Variants in PPP2R2B observed in about 807,000 individuals in gnomAD.
PPP2R2B encodes serine/threonine-protein phosphatase 2A 55 kDa regulatory subunit B beta isoform.
In PPP2R2B, 5 loss-of-function variants were observed where a neutral mutation model predicts 46.0. That is an observed-to-expected ratio of 0.11 (90% confidence interval 0.06 to 0.23). PPP2R2B has a LOEUF of 0.23. Ranked by LOEUF, PPP2R2B falls within the 10% of genes least tolerant of loss-of-function variation. The probability of loss-of-function intolerance (pLI) is 1.00; values close to 1 mark genes in which losing one functional copy is unlikely to be tolerated. For synonymous variants in PPP2R2B, 215 were observed against 206.7 expected, an observed-to-expected ratio of 1.04 and a Z score of -0.34; for missense variants, 367 against 575.0, an observed-to-expected ratio of 0.64 and a Z score of 3.70.
intron 2 of PPP2R2B, among the ~76,000 whole-genome samples, chr5:146,745,687 T>C (rs759921825): frequency 3.9e-5 from 6 of 152,064 alleles, no homozygotes; most frequent in African/African-American, 7.2e-5. Context: ...CCAGGTGTGG[T>C]GGTGGCTCAC....
intron 2 of PPP2R2B, among the ~76,000 whole-genome samples, chr5:146,835,540 C>G (rs953860073): frequency 6.6e-6 from 1 of 152,094 alleles, no homozygotes; most frequent in Admixed American, 6.6e-5. Flanking sequence ...CACACCCCTC[C>G]TTTTCCTCAG....
At chr5:146,720,691 T>C (rs1260788358) in intron 2 of PPP2R2B, among the ~76,000 whole-genome samples, 1 of 152,198 alleles carries the variant, frequency 6.6e-6, no homozygotes, top group Non-Finnish European at 1.5e-5. Flanking sequence ...ATTAAGGTTT[T>C]ATTAAGGACT....
intron 1 of PPP2R2B, among the ~76,000 whole-genome samples, chr5:146,943,758 G>A (rs983205835): frequency 6.6e-6 from 1 of 152,084 alleles, no homozygotes; most frequent in Non-Finnish European, 1.5e-5. Flanking sequence ...TTATATGAGA[G>A]GATCCAAATC....
At chr5:146,974,886 T>C (rs1037472765) in intron 1 of PPP2R2B, among the ~76,000 whole-genome samples, 2 of 151,958 alleles carry the variant, frequency 1.3e-5, no homozygotes, top group African/African-American at 4.8e-5. Flanking sequence ...ACACGGGGTT[T>C]CACCATGTTA....
intron 1 of PPP2R2B, among the ~76,000 whole-genome samples, chr5:147,002,030 C>G (rs1003902244): frequency 6.6e-6 from 1 of 152,168 alleles, no homozygotes; most frequent in Non-Finnish European, 1.5e-5. Flanking sequence ...TCTATCTTAT[C>G]TATCCTGACC....
chr5:147,040,056 G>T (rs940026584), intron 1 of PPP2R2B, among the ~76,000 whole-genome samples: 2 of 152,086 alleles, frequency 1.3e-5, no homozygotes, highest in Non-Finnish European at 2.9e-5. Flanking sequence ...AGCTTTGAGA[G>T]CCTCACTTAT....
At chr5:147,055,796 A>G (rs1757062620) in exon 1 of PPP2R2B, 3 of 1,554,556 alleles carry the variant, frequency 1.9e-6, no homozygotes, top group Non-Finnish European at 1.7e-6. Context: ...CTGAATCCAT[A>G]AGGATTCTCT....
intron 1 of PPP2R2B, among the ~76,000 whole-genome samples, chr5:146,885,853 A>G (rs1762303390): frequency 6.6e-6 from 1 of 152,198 alleles, no homozygotes; most frequent in South Asian, 2.1e-4. Context: ...CATTATGCTA[A>G]ATGAAAGACA....
chr5:146,791,294 TA>T, intron 2 of PPP2R2B, among the ~76,000 whole-genome samples: 1 of 152,342 alleles, frequency 6.6e-6, no homozygotes, highest in South Asian at 2.1e-4. Context: ...TATTCTGAGA[TA>T]TTTTGCCAAT....
intron 5 of PPP2R2B, among the ~76,000 whole-genome samples, chr5:146,667,572 C>T (rs1202108035): frequency 6.8e-6 from 1 of 147,956 alleles, no homozygotes; most frequent in African/African-American, 2.5e-5. Context: ...CCTAAACTTA[C>T]TTAAAAAAAA....
chr5:146,907,550 C>T (rs138936157), intron 1 of PPP2R2B, among the ~76,000 whole-genome samples: 1 of 152,334 alleles, frequency 6.6e-6, no homozygotes, highest in Non-Finnish European at 1.5e-5. Context: ...GGAGAAAGGG[C>T]TAAGGGCAGG....
intron 1 of PPP2R2B, among the ~76,000 whole-genome samples, chr5:146,890,782 T>A (rs562775901): frequency 6.6e-6 from 1 of 152,338 alleles, no homozygotes; most frequent in Non-Finnish European, 1.5e-5. Flanking sequence ...CCCAAGTTTA[T>A]AAATTTACAA....
intron 1 of PPP2R2B, among the ~76,000 whole-genome samples, chr5:147,003,203 C>T (rs1754270312): frequency 6.6e-6 from 1 of 152,120 alleles, no homozygotes; most frequent in African/African-American, 2.4e-5. Context: ...CTCAGCTTAC[C>T]TCCATATCCT....
chr5:146,590,913 G>A (rs893855327), intron 9 of PPP2R2B, among the ~76,000 whole-genome samples: 11 of 150,910 alleles, frequency 7.3e-5, no homozygotes, highest in Middle Eastern at 3.4e-3. Flanking sequence ...GATTTTATAT[G>A]GTTTTTTTCC....
intron 2 of PPP2R2B, among the ~76,000 whole-genome samples, chr5:146,710,485 C>A (rs1476539116): frequency 6.6e-6 from 1 of 152,146 alleles, no homozygotes; most frequent in Non-Finnish European, 1.5e-5. Flanking sequence ...TAAAATTTTC[C>A]CATAGTTGGA....
At chr5:146,756,263 G>A (rs1055775012) in intron 2 of PPP2R2B, among the ~76,000 whole-genome samples, 2 of 152,138 alleles carry the variant, frequency 1.3e-5, no homozygotes, top group African/African-American at 2.4e-5. Context: ...ACCATTCATT[G>A]CCTCATTTAA....
At chr5:146,722,997 C>T (rs564516974) in intron 2 of PPP2R2B, among the ~76,000 whole-genome samples, 5 of 152,264 alleles carry the variant, frequency 3.3e-5, no homozygotes, top group South Asian at 2.1e-4. Context: ...TATTCATCCT[C>T]GATCCTCAGA....
intron 1 of PPP2R2B, among the ~76,000 whole-genome samples, chr5:146,946,259 CT>C (rs757729750): frequency 6.6e-6 from 1 of 152,058 alleles, no homozygotes; most frequent in Non-Finnish European, 1.5e-5. Context: ...AGAGACAAGT[CT>C]TTTTTTCCCA....
intron 1 of PPP2R2B, among the ~76,000 whole-genome samples, chr5:147,044,529 G>A (rs1429879076): frequency 6.6e-6 from 1 of 152,108 alleles, no homozygotes; most frequent in East Asian, 1.9e-4. Context: ...AAAGTGAATT[G>A]TGTTGCCTTT....
Sources: gnomAD v4.1 joint callset for allele counts (sites outside exome capture counted in the v4.1 genomes callset) on GRCh38, gnomAD v4.1.1 for gene constraint, MANE v1.5 for transcripts, NCBI Gene and HGNC (gene_info 2026-07-23, HGNC 2026-07-21) for gene names.